Variants in CFAP97 observed in about 807,000 individuals in gnomAD.
CFAP97 encodes cilia- and flagella-associated protein 97.
In CFAP97, 36 loss-of-function variants were observed where a neutral mutation model predicts 43.1. The observed-to-expected ratio is 0.84, with a 90% confidence interval of 0.64 to 1.10. The LOEUF is 1.10. Ranked by LOEUF, CFAP97 falls within the 50% of genes least tolerant of loss-of-function variation. The pLI is 0.00. For synonymous variants in CFAP97, 228 were observed against 225.7 expected (o/e 1.01, Z -0.09); for missense variants, 657 against 620.3 (o/e 1.06, Z -0.63).
chr4:185,163,194 A>G (rs561563004), intron 4 of CFAP97, among the ~76,000 whole-genome samples: 1 of 152,364 alleles, frequency 6.6e-6, no homozygotes, highest in Admixed American at 6.5e-5. Context: ...ATGACTTTGT[A>G]TAACCATTTA....
chr4:185,203,151 T>G (rs1210123089), intron 1 of CFAP97, among the ~76,000 whole-genome samples: 1 of 151,484 alleles, frequency 6.6e-6, no homozygotes, highest in Non-Finnish European at 1.5e-5. Context: ...CAGTGAGACA[T>G]GATCGTGCCA....
At position 185,191,172 on chromosome 4, in the gene CFAP97, C is replaced by T. The variant is rs752628915; in HGVS notation, c.25G>A (p.Glu9Lys). The part of the protein sequence containing the change: MDQFGDIL[E>K]GEVDHSFFDS... Reference sequence around the variant, plus strand: ...AAGAAAGAATGGTCCACTTCACCTTCTAATATATCTCCAAACTGATCCATG... The same window carrying T: ...AAGAAAGAATGGTCCACTTCACCTTTTAATATATCTCCAAACTGATCCATG... The change falls in exon 2 of 5, where the codon GAA becomes AAA. Residue 9 changes from glutamate (E) to lysine (K), a missense_variant. By Grantham distance (56) the Glu-to-Lys change is moderately conservative. Coordinates refer to ENST00000458385, the MANE Select transcript of CFAP97 (RefSeq NM_020827.3). 9 of 1,585,254 alleles carry T rather than the reference C, an allele frequency of 5.7e-6. No homozygotes were observed. The highest frequency in any genetic ancestry group is 7.7e-6 in the Non-Finnish European group (9 of 1,169,756).
At chr4:185,191,280 TTAAA>T (rs375733509) in intron 1 of CFAP97, 68 bp from the exon 2 acceptor site, 1 of 1,101,612 alleles carries the variant, frequency 9.1e-7, no homozygotes. Flanking sequence ...TATACAATAA[TTAAA>T]TAATTTTCCC....
At chr4:185,181,491 A>T (rs1410623729) in intron 2 of CFAP97, among the ~76,000 whole-genome samples, 2 of 151,506 alleles carry the variant, frequency 1.3e-5, no homozygotes, top group Non-Finnish European at 2.9e-5. Context: ...ACGCACGGCT[A>T]ATTTTGTATT....
Position 185,169,791 on chromosome 4 carries a change from G to A in CFAP97, c.1321-5612C>T, listed in dbSNP as rs569400456. On this transcript the variant is annotated intron_variant, in intron 3 of 4. Transcript: ENST00000458385. ...CTGTCCCCCACACAGGCAGAATCAA[G>A]ACGACTGCTCTCTACATTTCAACAG... The A allele has an allele frequency of 4.1e-6, 4 of 985,464 alleles. No individual in the cohort carries two copies. The African/African-American group carries it at 7.0e-5, about 17-fold the overall frequency. 61.0% of individuals were successfully genotyped at this position (985,464 alleles called of 1,614,324 possible).
At chr4:185,182,711 A>T (rs1444852066) in intron 2 of CFAP97, among the ~76,000 whole-genome samples, 2 of 152,228 alleles carry the variant, frequency 1.3e-5, no homozygotes, top group Non-Finnish European at 1.5e-5. Flanking sequence ...CTGTCTCGTC[A>T]TTCCATGCCC....
In CFAP97 at chr4:185,173,842, T is replaced by C. The variant is rs181736035; in HGVS notation, c.1320+1944A>G. Among the ~76,000 whole-genome samples, 119 of 152,346 alleles carry C rather than the reference T, an allele frequency of 7.8e-4. 1 individual carries two copies. Among genetic ancestry groups the C allele is most frequent in the Non-Finnish European group, 2.2e-4 (15 of 68,036 alleles). On this transcript the variant is annotated intron_variant, in intron 3 of 4. Transcript: ENST00000458385. ...TGTACAACACTGTGGATATGCTTAATGCCACTGAATTAGACACTTAAAAAC... is the reference window on the plus strand; with the variant it reads ...TGTACAACACTGTGGATATGCTTAACGCCACTGAATTAGACACTTAAAAAC...
chr4:185,164,808 C>T (rs554349235), intron 3 of CFAP97, among the ~76,000 whole-genome samples: 43 of 152,336 alleles, frequency 2.8e-4, no homozygotes, highest in African/African-American at 9.9e-4. Flanking sequence ...CTGATTTTCT[C>T]ATAGACATGA....
chr4:185,192,735 T>TA (rs1560872235), intron 1 of CFAP97, among the ~76,000 whole-genome samples: 1 of 66,906 alleles, frequency 1.5e-5, no homozygotes, highest in Non-Finnish European at 3.2e-5. Flanking sequence ...TTGACCTTCT[T>TA]TTTTTTTTTT....
chr4:185,174,523 T>C (rs1735439295), intron 3 of CFAP97, among the ~76,000 whole-genome samples: 1 of 152,226 alleles, frequency 6.6e-6, no homozygotes, highest in African/African-American at 2.4e-5. Flanking sequence ...TAGGTAAGTA[T>C]ATGGTTACAC....
In CFAP97 at chr4:185,190,434, C is replaced by A; in HGVS notation, c.763G>T (p.Val255Leu). 2 of 1,613,674 alleles carry A rather than the reference C, an allele frequency of 1.2e-6. No individual in the cohort carries two copies. Among genetic ancestry groups the A allele is most frequent in the South Asian group, 1.1e-5 (1 of 91,028 alleles). Residue 255 changes from valine to leucine, a missense_variant, in exon 2 of 5, where the codon GTA becomes TTA. Transcript: ENST00000458385. ...ATGTCTGGAGTTGATAAGGGACTTACGTCAGTCACAGTATCTTCAGACTCC... is the reference window on the plus strand; with the variant it reads ...ATGTCTGGAGTTGATAAGGGACTTAAGTCAGTCACAGTATCTTCAGACTCC... ...PEESEDTVTDVSPLSTPDISP... is the reference protein window; with the variant it reads ...PEESEDTVTDLSPLSTPDISP...
intron 1 of CFAP97, among the ~76,000 whole-genome samples, chr4:185,202,815 G>C (rs187525270): frequency 2.6e-5 from 4 of 152,248 alleles, no homozygotes; most frequent in African/African-American, 9.6e-5. Flanking sequence ...TTACTGTAAA[G>C]ATTTCGACAC....
intron 2 of CFAP97, among the ~76,000 whole-genome samples, chr4:185,176,835 CA>C (rs1248413708): frequency 6.6e-6 from 1 of 152,140 alleles, no homozygotes; most frequent in African/African-American, 2.4e-5. Context: ...CCGAATATTC[CA>C]AAACTCTCAA....
At chr4:185,181,592 T>A (rs543326995) in intron 2 of CFAP97, among the ~76,000 whole-genome samples, 1 of 152,310 alleles carries the variant, frequency 6.6e-6, no homozygotes, top group South Asian at 2.1e-4. Context: ...CCCAAAGTGC[T>A]GGGATTATAG....
In CFAP97 at chr4:185,162,722, A is replaced by C; in HGVS notation, c.*76T>G. ...TGCTAAAACGGTATTCTAGATGTTT[A>C]CACAGAGAATTATAGGAATATGCAC... On this transcript the variant is annotated 3_prime_UTR_variant, in exon 5 of 5. Coordinates refer to ENST00000458385, the MANE Select transcript of CFAP97 (RefSeq NM_020827.3). The C allele has an allele frequency of 6.8e-7, 1 of 1,462,264 alleles. No homozygotes were observed. The highest frequency in any genetic ancestry group is 9.4e-7 in the Non-Finnish European group (1 of 1,060,804). 90.6% of individuals were successfully genotyped at this position (1,462,264 alleles called of 1,614,324 possible).
At chr4:185,188,599 C>A (rs1044498153) in intron 2 of CFAP97, among the ~76,000 whole-genome samples, 4 of 152,170 alleles carry the variant, frequency 2.6e-5, no homozygotes, top group African/African-American at 9.7e-5. Context: ...CCACCTTGGC[C>A]TCCAAAGGTG....
chr4:185,205,038 G>A (rs1737125006), upstream of CFAP97, among the ~76,000 whole-genome samples: 1 of 152,226 alleles, frequency 6.6e-6, no homozygotes, highest in African/African-American at 2.4e-5. Flanking sequence ...TAGGAAATAT[G>A]GGTCTTACCC....
intron 2 of CFAP97, among the ~76,000 whole-genome samples, chr4:185,186,552 T>C (rs1291079108): frequency 6.6e-6 from 1 of 152,242 alleles, no homozygotes; most frequent in Non-Finnish European, 1.5e-5. Context: ...GCATATTTTC[T>C]ATACATCCTT....
At chr4:185,188,691 T>C (rs1016827358) in intron 2 of CFAP97, among the ~76,000 whole-genome samples, 2 of 136,834 alleles carry the variant, frequency 1.5e-5, no homozygotes, top group African/African-American at 2.6e-5. Flanking sequence ...TGGAAACTAA[T>C]AGGATTGATT....
Sources: allele counts gnomAD v4.1 joint callset (sites outside exome capture counted in the v4.1 genomes callset), GRCh38; gene constraint gnomAD v4.1.1; transcripts MANE v1.5; gene names NCBI Gene and HGNC (gene_info 2026-07-23, HGNC 2026-07-21).